IMMP2L: variants seen among roughly 807,000 people sequenced by gnomAD.
The protein encoded by IMMP2L is inner mitochondrial membrane peptidase subunit 2.
Under a neutral mutation model 19.3 loss-of-function variants are expected in IMMP2L, and 18 were observed. The observed-to-expected ratio is 0.93, with a 90% CI of 0.64 to 1.38. IMMP2L has a LOEUF of 1.38. IMMP2L is among the 40% of genes most tolerant of loss of function. IMMP2L has a pLI of 0.00. For missense variants in IMMP2L, 233 were observed against 218.2 expected, an observed-to-expected ratio of 1.07 and a Z score of -0.43; for synonymous variants, 76 against 73.0, an observed-to-expected ratio of 1.04 and a Z score of -0.21.
chr7:110,801,068 T>G (rs1411884803), intron 5 of IMMP2L, among the ~76,000 whole-genome samples: 2 of 152,104 alleles, frequency 1.3e-5, no homozygotes, highest in Non-Finnish European at 2.9e-5. Context: ...AGATTCATTT[T>G]TATACATGGA....
intron 3 of IMMP2L, among the ~76,000 whole-genome samples, chr7:111,252,549 A>G (rs139399697): frequency 6.6e-6 from 1 of 152,300 alleles, no homozygotes; most frequent in East Asian, 1.9e-4. Context: ...GTGACAAGGA[A>G]TAATTTGGAA....
chr7:111,208,433 T>C (rs1158792152), intron 3 of IMMP2L, among the ~76,000 whole-genome samples: 1 of 152,220 alleles, frequency 6.6e-6, no homozygotes, highest in Non-Finnish European at 1.5e-5. Context: ...TTTTATTTTG[T>C]GGCTGAATTA....
intron 2 of IMMP2L, among the ~76,000 whole-genome samples, chr7:111,502,517 A>T (rs10271359): frequency 0.091 from 13,834 of 151,858 alleles, 786 homozygotes; most frequent in African/African-American, 0.14. Context: ...CAGAATATAC[A>T]TTTTTTTTCA....
At chr7:110,879,753 A>G (rs1016296234) in intron 5 of IMMP2L, among the ~76,000 whole-genome samples, 1 of 152,160 alleles carries the variant, frequency 6.6e-6, no homozygotes, top group Non-Finnish European at 1.5e-5. Context: ...AAAAAATAAC[A>G]GTTTGGAATC....
intron 3 of IMMP2L, among the ~76,000 whole-genome samples, chr7:111,150,390 T>C (rs970423731): frequency 3.3e-5 from 5 of 152,074 alleles, no homozygotes; most frequent in African/African-American, 1.2e-4. Flanking sequence ...TACAGGCAAA[T>C]GAACTTCCTG....
chr7:111,007,763 T>C (rs1824461782), intron 3 of IMMP2L, among the ~76,000 whole-genome samples: 1 of 151,864 alleles, frequency 6.6e-6, no homozygotes, highest in Non-Finnish European at 1.5e-5. Flanking sequence ...GTGTATTCAA[T>C]CCAAACTTCT....
At chr7:111,551,781 T>C (rs889871943) in intron 1 of IMMP2L, among the ~76,000 whole-genome samples, 1 of 152,018 alleles carries the variant, frequency 6.6e-6, no homozygotes, top group Non-Finnish European at 1.5e-5. Context: ...TCCAGCTCAG[T>C]AAACACTGAT....
Position 110,678,215 on chromosome 7 carries a change from A to G in IMMP2L, c.409-14494T>C, listed in dbSNP as rs147420449. On this transcript the variant is annotated intron_variant, in intron 5 of 5. Transcript: ENST00000405709. ...CTGAGCTGCTATAAAATTGTAGTCT[A>G]TTTATCCCACAGAGTATGCCAATTC... is the stretch of plus-strand genomic sequence containing the variant. 8.3e-4 allele frequency among the ~76,000 whole-genome samples: 127 copies of G among 152,244 alleles called. 1 individual carries two copies. Among genetic ancestry groups the G allele is most frequent in the African/African-American group, 2.8e-3 (116 of 41,552 alleles).
chr7:111,008,210 C>G (rs1243747284), intron 3 of IMMP2L, among the ~76,000 whole-genome samples: 1 of 152,034 alleles, frequency 6.6e-6, no homozygotes, highest in Non-Finnish European at 1.5e-5. Flanking sequence ...TTCCTTTGCT[C>G]ACATCCACCA....
intron 4 of IMMP2L, among the ~76,000 whole-genome samples, chr7:110,906,357 C>A (rs1405005479): frequency 6.6e-6 from 1 of 152,174 alleles, no homozygotes; most frequent in Non-Finnish European, 1.5e-5. Flanking sequence ...TCACAGACCT[C>A]AGACAAATGT....
At chr7:110,681,538 G>A (rs1792718623) in intron 5 of IMMP2L, among the ~76,000 whole-genome samples, 1 of 152,116 alleles carries the variant, frequency 6.6e-6, no homozygotes, top group African/African-American at 2.4e-5. Flanking sequence ...AAGAAAACTA[G>A]TGATTATTAC....
intron 5 of IMMP2L, among the ~76,000 whole-genome samples, chr7:110,775,964 TA>T (rs111907963): frequency 3.3e-5 from 5 of 150,318 alleles, no homozygotes; most frequent in Admixed American, 1.3e-4. Flanking sequence ...TACACACATG[TA>T]AAAAAAAACG....
At chr7:111,124,112 C>A in intron 3 of IMMP2L, 1 of 1,614,074 alleles carries the variant, frequency 6.2e-7, no homozygotes, top group Non-Finnish European at 8.5e-7. Context: ...TGTAGAGCTA[C>A]TGCAGAACCA....
intron 3 of IMMP2L, among the ~76,000 whole-genome samples, chr7:111,415,440 A>C (rs1371058954): frequency 6.6e-6 from 1 of 151,810 alleles, no homozygotes; most frequent in East Asian, 1.9e-4. Flanking sequence ...GTCTGAGATA[A>C]TTAATTTATA....
At chr7:111,181,274 T>A (rs1807676315) in intron 3 of IMMP2L, among the ~76,000 whole-genome samples, 1 of 152,020 alleles carries the variant, frequency 6.6e-6, no homozygotes, top group Non-Finnish European at 1.5e-5. Context: ...CTTTCTAAAA[T>A]AAGAATGGAT....
intron 4 of IMMP2L, among the ~76,000 whole-genome samples, chr7:110,942,369 G>A (rs1333126804): frequency 6.6e-6 from 1 of 151,888 alleles, no homozygotes; most frequent in Non-Finnish European, 1.5e-5. Flanking sequence ...AGGCTGCTAT[G>A]CTTGGCTTAA....
intron 3 of IMMP2L, among the ~76,000 whole-genome samples, chr7:111,324,669 A>C (rs575544968): frequency 1.3e-5 from 2 of 152,056 alleles, no homozygotes; most frequent in South Asian, 4.1e-4. Context: ...AAATTCCAAT[A>C]CTATATTCCC....
chr7:110,957,661 T>C (rs931767727), intron 4 of IMMP2L, among the ~76,000 whole-genome samples: 4 of 152,042 alleles, frequency 2.6e-5, no homozygotes, highest in African/African-American at 4.8e-5. Context: ...CCAACCATGC[T>C]GGCTTCTTGT....
chr7:111,261,843 AG>A (rs1468052616), intron 3 of IMMP2L, among the ~76,000 whole-genome samples: 1 of 152,180 alleles, frequency 6.6e-6, no homozygotes, highest in Admixed American at 6.6e-5. Context: ...GAGGTCAGAA[AG>A]GTAAGCAACG....
Sources: gnomAD v4.1 joint callset for allele counts (sites outside exome capture counted in the v4.1 genomes callset) on GRCh38, gnomAD v4.1.1 for gene constraint, MANE v1.5 for transcripts, NCBI Gene and HGNC (gene_info 2026-07-23, HGNC 2026-07-21) for gene names.